The following NSMCE2 variants were observed in gnomAD, a reference collection of about 807,000 sequenced individuals.
NSMCE2 encodes the protein E3 SUMO-protein ligase NSE2.
NSMCE2 carries 24 observed loss-of-function variants against 23.8 expected under a neutral mutation model. The ratio of observed to expected loss-of-function variants is 1.01; its 90% confidence interval spans 0.73 to 1.42. The LOEUF (loss-of-function observed/expected upper bound fraction) is 1.42. NSMCE2 is among the 40% of genes most tolerant of loss of function. NSMCE2 has a pLI of 0.00. For missense variants in NSMCE2, 284 were observed against 296.5 expected (o/e 0.96, Z 0.31); for synonymous variants, 92 against 94.1 (o/e 0.98, Z 0.13).
At chr8:125,331,465 A>G (rs1442070750) in intron 5 of NSMCE2, among the ~76,000 whole-genome samples, 1 of 152,206 alleles carries the variant, frequency 6.6e-6, no homozygotes, top group East Asian at 1.9e-4. Context: ...AAAAGATTGT[A>G]AAGCACTGTG....
intron 5 of NSMCE2, among the ~76,000 whole-genome samples, chr8:125,272,792 T>TGTATATATATACACAC (rs1447593034): frequency 7.1e-6 from 1 of 140,302 alleles, no homozygotes; most frequent in Non-Finnish European, 1.5e-5. Flanking sequence ...TATATACACA[T>TGTATATATATACACAC]GTGTATATAT....
chr8:125,218,372 C>T (rs28597078), intron 5 of NSMCE2, among the ~76,000 whole-genome samples: 11,437 of 151,398 alleles, frequency 0.076, 536 homozygotes, highest in Middle Eastern at 0.28. Context: ...AAAAACTCCA[C>T]ATGCATTTGG....
At chr8:125,344,472 G>A (rs565552200) in intron 5 of NSMCE2, among the ~76,000 whole-genome samples, 1 of 152,132 alleles carries the variant, frequency 6.6e-6, no homozygotes, top group South Asian at 2.1e-4. Flanking sequence ...GGCCGGTCAC[G>A]GTAGCTCACA....
intron 4 of NSMCE2, among the ~76,000 whole-genome samples, chr8:125,176,296 C>G (rs1822489041): frequency 6.6e-6 from 1 of 152,180 alleles, no homozygotes; most frequent in African/African-American, 2.4e-5. Context: ...CTTTTCACTT[C>G]TTATTTAGTT....
chr8:125,311,272 A>G (rs1274900803), intron 5 of NSMCE2, among the ~76,000 whole-genome samples: 1 of 152,230 alleles, frequency 6.6e-6, no homozygotes, highest in African/African-American at 2.4e-5. Flanking sequence ...ATGAAATTAG[A>G]CACCAAAGAA....
intron 5 of NSMCE2, among the ~76,000 whole-genome samples, chr8:125,214,367 T>A (rs1482718107): frequency 6.6e-6 from 1 of 152,008 alleles, no homozygotes; most frequent in Non-Finnish European, 1.5e-5. Context: ...GAACATCAGG[T>A]CCAAGCCTCT....
intron 3 of NSMCE2, among the ~76,000 whole-genome samples, chr8:125,126,034 A>G (rs996835061): frequency 1.3e-5 from 2 of 152,078 alleles, no homozygotes; most frequent in African/African-American, 4.8e-5. Context: ...AGGAGGCACA[A>G]CCTCAATCTT....
At chr8:125,337,323 T>C (rs1830090337) in intron 5 of NSMCE2, among the ~76,000 whole-genome samples, 1 of 152,234 alleles carries the variant, frequency 6.6e-6, no homozygotes, top group African/African-American at 2.4e-5. Context: ...ATAATTCTTC[T>C]TTGTAGTCCA....
At chr8:125,106,528 A>G (rs1818463432) in intron 3 of NSMCE2, among the ~76,000 whole-genome samples, 1 of 151,962 alleles carries the variant, frequency 6.6e-6, no homozygotes, top group Non-Finnish European at 1.5e-5. Flanking sequence ...AAATACAAAA[A>G]TTAGCCGGGC....
intron 5 of NSMCE2, among the ~76,000 whole-genome samples, chr8:125,304,997 A>G (rs537493952): frequency 1.1e-3 from 168 of 151,522 alleles, no homozygotes; most frequent in African/African-American, 3.8e-3. Context: ...GAGGGAGGGA[A>G]GGAAGGAAGG....
intron 7 of NSMCE2, chr8:125,363,375 G>A (rs1023349438): frequency 6.6e-6 from 1 of 151,946 alleles, no homozygotes; most frequent in Admixed American, 6.6e-5. Flanking sequence ...GCGTGATATT[G>A]TGCACCTGTG....
At chr8:125,174,258 TTATAA>T (rs1164835603) in intron 4 of NSMCE2, among the ~76,000 whole-genome samples, 9 of 152,190 alleles carry the variant, frequency 5.9e-5, no homozygotes, top group Non-Finnish European at 1.2e-4. Context: ...TGTCTGTTTG[TTATAA>T]TATCTCCAAG....
intron 3 of NSMCE2, among the ~76,000 whole-genome samples, chr8:125,141,097 A>G (rs765563559): frequency 2.0e-5 from 3 of 152,182 alleles, no homozygotes; most frequent in Non-Finnish European, 4.4e-5. Flanking sequence ...TATGATTTTT[A>G]TTAATTGAAT....
At chr8:125,345,838 G>A (rs1299019583) in intron 5 of NSMCE2, among the ~76,000 whole-genome samples, 3 of 152,302 alleles carry the variant, frequency 2.0e-5, no homozygotes, top group African/African-American at 4.8e-5. Flanking sequence ...GCCAACTAGC[G>A]AAGAGTCTTG....
intron 7 of NSMCE2, among the ~76,000 whole-genome samples, chr8:125,364,140 C>T (rs12114619): frequency 0.016 from 2,408 of 152,124 alleles, 55 homozygotes; most frequent in African/African-American, 0.054. Flanking sequence ...GATAGGGTTT[C>T]GCCATGTTGG....
chr8:125,315,878 C>T (rs1039548843), intron 5 of NSMCE2, among the ~76,000 whole-genome samples: 22 of 152,096 alleles, frequency 1.4e-4, no homozygotes, highest in Non-Finnish European at 2.5e-4. Flanking sequence ...TCACAGCTCA[C>T]GGCAGCTTCA....
At chr8:125,145,889 CTTAG>C (rs1454727778) in intron 3 of NSMCE2, among the ~76,000 whole-genome samples, 2 of 152,284 alleles carry the variant, frequency 1.3e-5, no homozygotes, top group Admixed American at 1.3e-4. Context: ...CTGGAGTTGA[CTTAG>C]TTATTCTCCT....
intron 5 of NSMCE2, among the ~76,000 whole-genome samples, chr8:125,206,827 A>G (rs988697640): frequency 1.3e-5 from 2 of 152,112 alleles, no homozygotes; most frequent in African/African-American, 4.8e-5. Context: ...AGGGGGAGAA[A>G]GGCTTTTCAC....
At chr8:125,187,117 A>G (rs1350702725) in intron 5 of NSMCE2, among the ~76,000 whole-genome samples, 1 of 152,238 alleles carries the variant, frequency 6.6e-6, no homozygotes, top group African/African-American at 2.4e-5. Context: ...AAGAGCTAGT[A>G]CAGCATAATG....
Sources: gnomAD v4.1 joint callset for allele counts (sites outside exome capture counted in the v4.1 genomes callset) on GRCh38, gnomAD v4.1.1 for gene constraint, MANE v1.5 for transcripts, NCBI Gene and HGNC (gene_info 2026-07-23, HGNC 2026-07-21) for gene names.